The following TNKS2 variants were observed in gnomAD, a reference collection of about 807,000 sequenced individuals.
TNKS2 encodes poly [ADP-ribose] polymerase tankyrase-2.
A neutral mutation model predicts 137.6 loss-of-function variants in TNKS2; 72 were observed. The ratio of observed to expected loss-of-function variants is 0.52; its 90% CI spans 0.43 to 0.64. The LOEUF (loss-of-function observed/expected upper bound fraction) is 0.64, where lower values mean the gene tolerates loss of function less well. Among genes scored for constraint, TNKS2 ranks in the 30% least tolerant of loss-of-function variants. The pLI is 0.00. For missense variants in TNKS2, 1,049 were observed against 1,410.2 expected (o/e 0.74, Z 4.10); for synonymous variants, 516 against 512.1 (o/e 1.01, Z -0.10).
chr10:91,842,095 A>G, intron 15 of TNKS2, 77 bp from the exon 16 acceptor site: 2 of 974,642 alleles, frequency 2.1e-6, no homozygotes, highest in Non-Finnish European at 3.1e-6. Context: ...TGGTATAGTT[A>G]ACACTGACTA....
At chr10:91,862,410 G>A (rs1842875902) in intron 26 of TNKS2, among the ~76,000 whole-genome samples, 1 of 152,000 alleles carries the variant, frequency 6.6e-6, no homozygotes, top group Admixed American at 6.6e-5. Flanking sequence ...CCTTGTGTGT[G>A]TACCTATTTT....
intron 18 of TNKS2, among the ~76,000 whole-genome samples, chr10:91,846,977 T>C (rs146548556): frequency 9.2e-5 from 14 of 152,350 alleles, no homozygotes; most frequent in Non-Finnish European, 1.6e-4. Context: ...TACAATCTTA[T>C]GAACTGCCTA....
At chr10:91,838,229 G>A (rs1483006067) in intron 13 of TNKS2, among the ~76,000 whole-genome samples, 1 of 151,768 alleles carries the variant, frequency 6.6e-6, no homozygotes, top group Non-Finnish European at 1.5e-5. Context: ...GATGAAGTTG[G>A]GGGGCAGGAA....
chr10:91,799,694 T>A (rs1189675431), intron 1 of TNKS2, among the ~76,000 whole-genome samples: 1 of 152,218 alleles, frequency 6.6e-6, no homozygotes, highest in Admixed American at 6.6e-5. Flanking sequence ...TCGAAAAATT[T>A]AAAAGAGCCA....
chr10:91,818,672 G>A (rs1178526387), intron 3 of TNKS2, among the ~76,000 whole-genome samples: 5 of 151,992 alleles, frequency 3.3e-5, no homozygotes, highest in African/African-American at 1.2e-4. Flanking sequence ...AGCTGGGATT[G>A]CAGGCGTGCC....
chr10:91,842,402 G>A lies in TNKS2; in HGVS notation c.2059+11G>A, dbSNP rs770754501. 9 of 1,611,482 alleles carry A rather than the reference G, an allele frequency of 5.6e-6. No homozygotes were observed. The highest frequency in any genetic ancestry group is 1.3e-5 in the African/African-American group (1 of 74,882). On this transcript the variant is annotated intron_variant, in intron 16 of 26. Transcript: ENST00000371627. ...CTTTACATTTAGCAGGTAAGTGAATGAAGTTTCACAGATTTAGGCTGGTAA... is the reference window on the plus strand; with the variant it reads ...CTTTACATTTAGCAGGTAAGTGAATAAAGTTTCACAGATTTAGGCTGGTAA...
At chr10:91,860,461 T>C (rs1471075049) in intron 25 of TNKS2, among the ~76,000 whole-genome samples, 1 of 152,186 alleles carries the variant, frequency 6.6e-6, no homozygotes, top group Non-Finnish European at 1.5e-5. Context: ...CTCTAGAATT[T>C]GAGTTTCTAC....
At chr10:91,799,297 A>G (rs1406823966) in intron 1 of TNKS2, among the ~76,000 whole-genome samples, 1 of 152,174 alleles carries the variant, frequency 6.6e-6, no homozygotes, top group East Asian at 1.9e-4. Flanking sequence ...TGCAAGTTCC[A>G]TTTGGGTTAA....
In TNKS2 at chr10:91,798,496, C is replaced by A. The variant is rs527627481; in HGVS notation, c.-195C>A. 16 of 523,634 alleles carry A rather than the reference C, an allele frequency of 3.1e-5. No individual in the cohort carries two copies. The highest frequency in any genetic ancestry group is 4.0e-5 in the African/African-American group (2 of 49,808). 32.4% of individuals were successfully genotyped at this position (523,634 alleles called of 1,614,324 possible). ...GCTGCCTCCGCCGCCGCGGGGCAGC[C>A]GGGGGGCAGGGAGCCCAGCGAGGGG... On this transcript the variant is annotated 5_prime_UTR_variant, in exon 1 of 27. Coordinates refer to ENST00000371627, the MANE Select transcript of TNKS2 (RefSeq NM_025235.4).
At position 91,862,946 on chromosome 10, in the gene TNKS2, G is replaced by A; in HGVS notation, c.3448G>A (p.Glu1150Lys). 1 of 1,605,258 alleles carries A rather than the reference G, an allele frequency of 6.2e-7. No homozygotes were observed. Among genetic ancestry groups the A allele is most frequent in the Non-Finnish European group, 8.5e-7 (1 of 1,174,562 alleles). Residue 1150 changes from glutamate (E) to lysine (K), a missense_variant, in exon 27 of 27, where the codon GAG (glutamate) becomes AAG (lysine). Around this residue, in one of 6 missense-constraint regions of TNKS2, gnomAD observed 133 missense variants for 248.4 expected, o/e 0.54. Transcript: ENST00000371627. The stretch of plus-strand genomic sequence containing the variant: ...TATCTTTCTCTTCCAGGCTTATCCT[G>A]AGTATTTAATTACTTACCAGATTAT... ...VIYRGEQAYP[E>K]YLITYQIMRP...
chr10:91,823,050 C>CAAA (rs879552963), intron 7 of TNKS2, among the ~76,000 whole-genome samples: 12 of 109,408 alleles, frequency 1.1e-4, no homozygotes, highest in African/African-American at 3.1e-4. Flanking sequence ...GACCTTGTCT[C>CAAA]AAAAAAAAAA....
chr10:91,849,772 C>A (rs1233862230), intron 20 of TNKS2, among the ~76,000 whole-genome samples, 178 bp downstream of exon 20: 3 of 152,178 alleles, frequency 2.0e-5, no homozygotes, highest in Non-Finnish European at 4.4e-5. Context: ...AGTTTATTCG[C>A]ACACAGTTGA....
At chr10:91,799,797 G>T (rs541194757) in intron 1 of TNKS2, among the ~76,000 whole-genome samples, 1 of 152,296 alleles carries the variant, frequency 6.6e-6, no homozygotes, top group African/African-American at 2.4e-5. Context: ...TGAGTCATGC[G>T]TGATTGAAAA....
In TNKS2 at chr10:91,863,128, G is replaced by A. The variant is rs566089112; in HGVS notation, c.*129G>A. On this transcript the variant is annotated 3_prime_UTR_variant, in exon 27 of 27. Coordinates refer to ENST00000371627, the MANE Select transcript of TNKS2 (RefSeq NM_025235.4). ...GCCTGTGGCAAAAGGATAAAAATGT[G>A]AACGAAGTTTAACATTCTGACTTGA... The A allele has an allele frequency of 2.2e-5, 13 of 603,968 alleles. No individual in the cohort carries two copies. The South Asian group carries it at 3.1e-4, about 15-fold the overall frequency. The allele number at this position is 603,968 out of a possible 1,614,324, so 37.4% of individuals were successfully genotyped here.
chr10:91,821,105 G>C (rs1844875798), intron 6 of TNKS2, among the ~76,000 whole-genome samples: 1 of 151,892 alleles, frequency 6.6e-6, no homozygotes, highest in African/African-American at 2.4e-5. Context: ...TGGCGCGATC[G>C]TGGTTCACTG....
chr10:91,804,634 C>A (rs1403183813), intron 1 of TNKS2, among the ~76,000 whole-genome samples: 1 of 152,132 alleles, frequency 6.6e-6, no homozygotes, highest in Non-Finnish European at 1.5e-5. Flanking sequence ...CAGAATATAC[C>A]CTGCAGAGCA....
rs752156722 is a variant in TNKS2, at chr10:91,859,652, A to G, written c.3281+4A>G. ...GATCTTGTTACATTTGCCACAGGTAAGAGATCACTTGTTCTCATTTATTTT... is the reference window on the plus strand; with the variant it reads ...GATCTTGTTACATTTGCCACAGGTAGGAGATCACTTGTTCTCATTTATTTT... On this transcript the variant is annotated splice_donor_region_variant and intron_variant, in intron 25 of 26. Coordinates refer to ENST00000371627, the MANE Select transcript of TNKS2 (RefSeq NM_025235.4). The G allele has an allele frequency of 2.9e-5, 47 of 1,608,296 alleles. No homozygotes were observed. The highest frequency in any genetic ancestry group is 7.8e-5 in the South Asian group (7 of 90,080).
rs372097584 is a variant in TNKS2, at chr10:91,820,003, A to G, written c.698A>G (p.His233Arg). The G allele has an allele frequency of 1.0e-5, 16 of 1,593,120 alleles. No individual in the cohort carries two copies. The highest frequency in any genetic ancestry group is 2.7e-5 in the African/African-American group (2 of 74,344). The change falls in exon 6 of 27, where the codon CAT (histidine) becomes CGT (arginine). Residue 233 changes from histidine (H) to arginine (R), a missense_variant. Around this residue, in one of 6 missense-constraint regions of TNKS2, gnomAD observed 374 missense variants for 460.8 expected, o/e 0.81. Transcript: ENST00000371627. ...RVKIVQLLLQ[H>R]GADVHAKDKG... ...AAGATTGTACAGCTGTTACTGCAAC[A>G]TGGAGCTGATGTCCATGCTAAAGAT...
In TNKS2 at chr10:91,851,216, A is replaced by G; in HGVS notation, c.2695A>G (p.Ile899Val). ...HLMDIFEREQ[I>V]TLDVLVEMGH... Reference sequence around the variant, plus strand: ...AAGTAGTTTCCTCCTCTTTTGTAAGATCACTTTGGATGTATTAGTTGAGAT... The same window carrying G: ...AAGTAGTTTCCTCCTCTTTTGTAAGGTCACTTTGGATGTATTAGTTGAGAT... Residue 899 changes from isoleucine to valine, a missense_variant and splice_region_variant, in exon 21 of 27, where the codon ATC becomes GTC. By Grantham distance (29) the Ile-to-Val change is conservative (BLOSUM62 3). Coordinates refer to ENST00000371627, the MANE Select transcript of TNKS2 (RefSeq NM_025235.4). The G allele has an allele frequency of 6.2e-7, 1 of 1,613,370 alleles. No individual in the cohort carries two copies. The highest frequency in any genetic ancestry group is 8.5e-7 in the Non-Finnish European group (1 of 1,179,784).
Sources: allele counts gnomAD v4.1 joint callset (sites outside exome capture counted in the v4.1 genomes callset), GRCh38; gene constraint gnomAD v4.1.1; regional missense constraint gnomAD v4.1.1; transcripts MANE v1.5; gene names NCBI Gene and HGNC (gene_info 2026-07-23, HGNC 2026-07-21).